Variants in SULT2B1 observed in about 807,000 individuals in gnomAD.
SULT2B1 encodes sulfotransferase family 2B member 1, also known as sulfotransferase 2B1.
In SULT2B1, 16 loss-of-function variants were observed where a neutral mutation model predicts 33.2. The observed-to-expected ratio is 0.48, with a 90% CI of 0.33 to 0.73. The LOEUF (loss-of-function observed/expected upper bound fraction) is 0.73. Among genes scored for constraint, SULT2B1 ranks in the 30% least tolerant of loss-of-function variants. The pLI is 0.02. For missense variants in SULT2B1, 500 were observed against 506.0 expected (o/e 0.99, Z 0.11); for synonymous variants, 186 against 200.5 (o/e 0.93, Z 0.61).
intron 6 of SULT2B1, among the ~76,000 whole-genome samples, chr19:48,597,704 C>T (rs1172730355): frequency 1.5e-5 from 2 of 135,102 alleles, no homozygotes; most frequent in African/African-American, 2.8e-5. Context: ...AGTGCAATGG[C>T]GCGATCTCGG....
chr19:48,596,664 A>T, intron 5 of SULT2B1, 75 bp from the exon 6 acceptor site: 2 of 1,449,632 alleles, frequency 1.4e-6, no homozygotes, highest in Admixed American at 2.3e-5. Context: ...GGACCCAGAC[A>T]TGCGGATCCC....
chr19:48,555,589 T>TCTCTC (rs58997933), intron 1 of SULT2B1, among the ~76,000 whole-genome samples: 16 of 146,320 alleles, frequency 1.1e-4, no homozygotes, highest in African/African-American at 2.6e-4. Flanking sequence ...TCTCTCTCTC[T>TCTCTC]TTTGAGACAG....
chr19:48,552,360 AG>A lies in SULT2B1; in HGVS notation c.71+40del. 3.1e-6 allele frequency: 5 copies of A among 1,603,998 alleles called. No individual in the cohort carries two copies. Among genetic ancestry groups the A allele is most frequent in the Non-Finnish European group, 3.4e-6 (4 of 1,173,852 alleles). On this transcript the variant is annotated intron_variant, in intron 1 of 6. Transcript: ENST00000201586. The surrounding 1 kb of genome is among the most constrained non-coding windows in gnomAD (Gnocchi z 4.8). The stretch of plus-strand genomic sequence containing the variant: ...ACCTGGGCAGGAGCCAGGAGATCCC[AG>A]GGAGGAGGTGGCTGTTTGGGGGAGC...
At chr19:48,553,126 G>A (rs1391920893) in intron 1 of SULT2B1, among the ~76,000 whole-genome samples, 1 of 152,036 alleles carries the variant, frequency 6.6e-6, no homozygotes, top group East Asian at 1.9e-4. Flanking sequence ...GAGGCCCAGA[G>A]AGGGCAGGCA....
chr19:48,564,551 C>CAAAAAAAAAAAAAAAAAAA (rs770217698), intron 1 of SULT2B1, among the ~76,000 whole-genome samples: 2 of 57,634 alleles, frequency 3.5e-5, no homozygotes, highest in Non-Finnish European at 6.1e-5. Flanking sequence ...GACTCCGTCT[C>CAAAAAAAAAAAAAAAAAAA]AAAAAAAAAA....
intron 1 of SULT2B1, among the ~76,000 whole-genome samples, chr19:48,566,047 G>A (rs1333299574): frequency 6.6e-6 from 1 of 151,818 alleles, no homozygotes; most frequent in Non-Finnish European, 1.5e-5. Context: ...CAAGTAGCTG[G>A]GACTACAGGC....
chr19:48,598,520 G>C (rs1382742732), intron 6 of SULT2B1, among the ~76,000 whole-genome samples: 1 of 151,954 alleles, frequency 6.6e-6, no homozygotes, highest in East Asian at 1.9e-4. Flanking sequence ...TGAATCGGAG[G>C]TTGCAGTGAG....
intron 1 of SULT2B1, among the ~76,000 whole-genome samples, chr19:48,556,240 C>T (rs1178818392): frequency 2.6e-5 from 4 of 152,174 alleles, no homozygotes; most frequent in African/African-American, 9.7e-5. Flanking sequence ...CACGCCAGGT[C>T]CCAGGTCCCT....
chr19:48,558,064 T>C (rs1973124179), intron 1 of SULT2B1, among the ~76,000 whole-genome samples: 3 of 152,330 alleles, frequency 2.0e-5, no homozygotes, highest in Middle Eastern at 3.4e-3. Context: ...CTTGCAGTTG[T>C]TCTCAACCTG....
chr19:48,585,639 A>G (rs1973550977), intron 2 of SULT2B1, among the ~76,000 whole-genome samples: 2 of 150,854 alleles, frequency 1.3e-5, no homozygotes, highest in African/African-American at 4.9e-5. Context: ...ATTGCACTCC[A>G]GCTTGGGCAA....
Position 48,599,077 on chromosome 19 carries a change from G to T in SULT2B1, c.827-58G>T. 2 of 1,526,294 alleles carry T rather than the reference G, an allele frequency of 1.3e-6. No individual in the cohort carries two copies. Among genetic ancestry groups the T allele is most frequent in the Non-Finnish European group, 8.8e-7 (1 of 1,142,166 alleles). 94.5% of individuals were successfully genotyped at this position (1,526,294 alleles called of 1,614,324 possible). The stretch of plus-strand genomic sequence containing the variant: ...GGAAGGAGGTTGCTGGAATGTTGGA[G>T]GTAGGGGCGCAGTGCTCCCCAGAGG... On this transcript the variant is annotated intron_variant, in intron 6 of 6. Coordinates refer to ENST00000201586, the MANE Select transcript of SULT2B1 (RefSeq NM_177973.2). This position sits in a 1 kb window ranked among gnomAD's most constrained non-coding sequence, Gnocchi z 4.1.
chr19:48,569,816 G>A (rs140327572), intron 1 of SULT2B1, among the ~76,000 whole-genome samples: 2,418 of 151,232 alleles, frequency 0.016, no homozygotes, highest in African/African-American at 0.054. Flanking sequence ...ATAAGCATGC[G>A]CCACCACGCC....
At chr19:48,555,172 A>G (rs546184906) in intron 1 of SULT2B1, among the ~76,000 whole-genome samples, 2 of 152,036 alleles carry the variant, frequency 1.3e-5, no homozygotes, top group African/African-American at 4.8e-5. Flanking sequence ...GCTCACTACA[A>G]CCTCGGCCTC....
intron 1 of SULT2B1, among the ~76,000 whole-genome samples, chr19:48,562,156 G>A (rs1332394934): frequency 2.0e-5 from 3 of 152,154 alleles, no homozygotes; most frequent in African/African-American, 7.2e-5. Context: ...GGAGGCTGAG[G>A]CGGGCGGATC....
In SULT2B1 at chr19:48,576,640, C is replaced by CTT. The variant is rs71335805; in HGVS notation, c.214+577_214+578dup. Among the ~76,000 whole-genome samples, 86 of 116,472 alleles carry CTT rather than the reference C, an allele frequency of 7.4e-4. 1 individual carries two copies. Among genetic ancestry groups the CTT allele is most frequent in the African/African-American group, 2.7e-3 (77 of 28,260 alleles). 76.4% of individuals were successfully genotyped at this position (116,472 alleles called of 152,430 possible). A position where few individuals can be genotyped will look rare whatever the true frequency, so the allele number is the denominator to read the frequency against. ...GTGCTGGTCACCACCAAATTGTATA[C>CTT]TTTTTTTTTTTTTTTTTTTTTGGAG... On this transcript the variant is annotated intron_variant, in intron 2 of 6. Transcript: ENST00000201586.
At chr19:48,575,761 G>C (rs1206042703) in intron 1 of SULT2B1, 180 bp from the exon 2 acceptor site, 2 of 1,114,534 alleles carry the variant, frequency 1.8e-6, no homozygotes, top group Non-Finnish European at 2.4e-6. Context: ...GATTACAGGA[G>C]TGTGCCACTG....
chr19:48,560,555 A>C (rs1973162509), intron 1 of SULT2B1, among the ~76,000 whole-genome samples: 2 of 151,882 alleles, frequency 1.3e-5, no homozygotes, highest in Non-Finnish European at 2.9e-5. Flanking sequence ...CCCATAGGAA[A>C]ACATTTTCTC....
At chr19:48,557,240 G>GCTTT (rs143903177) in intron 1 of SULT2B1, among the ~76,000 whole-genome samples, 8,676 of 152,086 alleles carry the variant, frequency 0.057, 743 homozygotes, top group African/African-American at 0.19. Flanking sequence ...TATGAATTAT[G>GCTTT]AGAAATTTAA....
At chr19:48,557,340 G>T (rs1973112498) in intron 1 of SULT2B1, among the ~76,000 whole-genome samples, 1 of 151,754 alleles carries the variant, frequency 6.6e-6, no homozygotes, top group Non-Finnish European at 1.5e-5. Flanking sequence ...AGGAGTTCAA[G>T]ACCAGCCTGG....
Sources: allele counts gnomAD v4.1 joint callset (sites outside exome capture counted in the v4.1 genomes callset), GRCh38; gene constraint gnomAD v4.1.1; non-coding constraint Gnocchi (gnomAD v3.1); transcripts MANE v1.5; gene names NCBI Gene and HGNC (gene_info 2026-07-23, HGNC 2026-07-21).